The following MYO1H variants were observed in gnomAD, a reference collection of about 807,000 sequenced individuals.
MYO1H encodes the protein myosin IH, also known as unconventional myosin-Ih.
MYO1H carries 118 observed loss-of-function variants against 149.3 expected under a neutral mutation model. The ratio of observed to expected loss-of-function variants is 0.79; its 90% CI spans 0.68 to 0.92. The LOEUF is 0.92. Among genes scored for constraint, MYO1H ranks in the 40% least tolerant of loss-of-function variants. The pLI, the probability that MYO1H is intolerant of heterozygous loss-of-function variation, is 0.00. For missense variants in MYO1H, 1,212 were observed against 1,280.7 expected (o/e 0.95, Z 0.82); for synonymous variants, 447 against 465.2 (o/e 0.96, Z 0.50).
intron 1 of MYO1H, among the ~76,000 whole-genome samples, chr12:109,382,229 A>G (rs1869218571): frequency 6.6e-6 from 1 of 152,144 alleles, no homozygotes; most frequent in Admixed American, 6.5e-5. Flanking sequence ...AAACCAATCA[A>G]TCTTGTATCT....
chr12:109,379,547 A>T (rs1869156553), intron 1 of MYO1H, among the ~76,000 whole-genome samples: 1 of 152,132 alleles, frequency 6.6e-6, no homozygotes, highest in Admixed American at 6.5e-5. Context: ...ATAGTGAAAT[A>T]CTTTGCAGTT....
At chr12:109,324,877 C>G in the MYO1H span, among the ~76,000 whole-genome samples, 2 of 152,194 alleles carry the variant, frequency 1.3e-5, no homozygotes, top group Admixed American at 6.5e-5. Context: ...TCCTTTTCCC[C>G]TACCCTCCAA....
the MYO1H span, among the ~76,000 whole-genome samples, chr12:109,335,640 A>G: frequency 1.3e-5 from 2 of 152,136 alleles, no homozygotes; most frequent in Non-Finnish European, 2.9e-5. Flanking sequence ...TTGGAATTGC[A>G]TTAAATATAT....
At chr12:109,434,209 C>T (rs1237165538) in intron 20 of MYO1H, among the ~76,000 whole-genome samples, 2 of 152,120 alleles carry the variant, frequency 1.3e-5, no homozygotes, top group Admixed American at 6.5e-5. Context: ...AGGGTTTCAC[C>T]GCGTTTGTCA....
intron 15 of MYO1H, among the ~76,000 whole-genome samples, chr12:109,418,955 T>A (rs190581612): frequency 5.9e-5 from 9 of 152,006 alleles, no homozygotes; most frequent in Admixed American, 1.3e-4. Flanking sequence ...AAAGAAAAAA[T>A]TTTTAAAAAG....
chr12:109,417,839 G>T (rs188848297), intron 15 of MYO1H, among the ~76,000 whole-genome samples: 2 of 151,012 alleles, frequency 1.3e-5, no homozygotes, highest in Non-Finnish European at 1.5e-5. Context: ...TTTTTGAGAC[G>T]GAGTCTCGCT....
intron 31 of MYO1H, chr12:109,446,019 C>A: frequency 1.0e-6 from 1 of 985,254 alleles, no homozygotes; most frequent in Non-Finnish European, 1.2e-6. Flanking sequence ...GCGGCTTAGG[C>A]TTCAGGATGC....
At chr12:109,380,573 T>C (rs1403948107) in intron 1 of MYO1H, among the ~76,000 whole-genome samples, 1 of 152,220 alleles carries the variant, frequency 6.6e-6, no homozygotes. Flanking sequence ...GTTGTGTGTA[T>C]ATTGTTAATA....
At chr12:109,444,308 C>A in intron 29 of MYO1H, 25 bp downstream of exon 29, 1 of 1,606,860 alleles carries the variant, frequency 6.2e-7, no homozygotes, top group Non-Finnish European at 8.5e-7. Context: ...CCAGTCTCTA[C>A]TAAAAGACAG....
At chr12:109,314,200 C>G in the MYO1H span, among the ~76,000 whole-genome samples, 6 of 147,926 alleles carry the variant, frequency 4.1e-5, no homozygotes, top group African/African-American at 7.5e-5. Flanking sequence ...TACTTTTTTT[C>G]TTTTTTCTTT....
the MYO1H span, among the ~76,000 whole-genome samples, chr12:109,328,827 A>G: frequency 6.6e-6 from 1 of 152,184 alleles, no homozygotes; most frequent in Admixed American, 6.5e-5. Context: ...AAGGTGTACA[A>G]TGTGATGTTT....
chr12:109,353,419 A>AAAAAAAAAAAAAT, intron 1 of MYO1H, among the ~76,000 whole-genome samples: 1 of 144,744 alleles, frequency 6.9e-6, no homozygotes, highest in Non-Finnish European at 1.5e-5. Context: ...AAAAAAAAAA[A>AAAAAAAAAAAAAT]TTGTGGTTAT....
At chr12:109,395,811 ATT>A (rs1229033515) in intron 3 of MYO1H, among the ~76,000 whole-genome samples, 2 of 150,814 alleles carry the variant, frequency 1.3e-5, no homozygotes, top group African/African-American at 4.9e-5. Context: ...TACACTCTAT[ATT>A]TGATTAGTCA....
Position 109,409,681 on chromosome 12 carries a change from G to A in MYO1H, c.1223+57G>A, listed in dbSNP as rs144350451. ...TTTGCCCTTTTTTAAGATTTCAGTC[G>A]AGATTTAAATCTTTCGCTAATGTTA... On this transcript the variant is annotated intron_variant, in intron 11 of 31. Transcript: ENST00000310903. 79 of 1,372,592 alleles carry A rather than the reference G, an allele frequency of 5.8e-5. No individual in the cohort carries two copies. The East Asian group carries it at 1.5e-3, about 27-fold the overall frequency. The allele number at this position is 1,372,592 out of a possible 1,614,324, so 85.0% of individuals were successfully genotyped here. A position where few individuals can be genotyped will look rare whatever the true frequency, so the allele number is the denominator to read the frequency against.
intron 1 of MYO1H, among the ~76,000 whole-genome samples, chr12:109,385,110 C>T (rs1294526194): frequency 6.6e-6 from 1 of 152,022 alleles, no homozygotes; most frequent in Non-Finnish European, 1.5e-5. Context: ...ATTATAATTC[C>T]GTTTTATAGA....
At chr12:109,442,320 T>C in intron 27 of MYO1H, 48 bp downstream of exon 27, 4 of 1,557,762 alleles carry the variant, frequency 2.6e-6, no homozygotes, top group Non-Finnish European at 3.5e-6. Context: ...CCTCATCGAG[T>C]CTAAGAGCAG....
intron 6 of MYO1H, chr12:109,401,486 T>TA: frequency 2.0e-6 from 1 of 489,222 alleles, no homozygotes; most frequent in South Asian, 3.9e-5. Flanking sequence ...AATGTCTAGG[T>TA]AAGTGGTTCT....
rs373050609 is a variant in MYO1H at position 109,377,740 on chromosome 12, G to A, written c.13-10943G>A. On this transcript the variant is annotated intron_variant, in intron 1 of 31. Coordinates refer to ENST00000310903, the Ensembl canonical transcript of MYO1H. Reference sequence around the variant, plus strand: ...CCTAAAGAATCTTTAACTTTATTGTGAAATGTTTTAAATAAGTATTATGAA... The same window carrying A: ...CCTAAAGAATCTTTAACTTTATTGTAAAATGTTTTAAATAAGTATTATGAA... 8.5e-5 allele frequency among the ~76,000 whole-genome samples: 13 copies of A among 152,218 alleles called. No homozygotes were observed. In the East Asian group the frequency reaches 1.9e-3, roughly 23 times the overall value.
intron 6 of MYO1H, among the ~76,000 whole-genome samples, 185 bp from the exon 7 acceptor site, chr12:109,403,797 A>G (rs999793336): frequency 2.0e-5 from 3 of 152,234 alleles, no homozygotes; most frequent in East Asian, 1.9e-4. Context: ...CAAAATTCCA[A>G]ATAAATTTGA....
Sources: gnomAD v4.1 joint callset for allele counts (sites outside exome capture counted in the v4.1 genomes callset) on GRCh38, gnomAD v4.1.1 for gene constraint, MANE v1.5 for transcripts, NCBI Gene and HGNC (gene_info 2026-07-23, HGNC 2026-07-21) for gene names.